CDH12: variants seen among roughly 807,000 people sequenced by gnomAD.
CDH12 encodes cadherin-12.
A neutral mutation model predicts 74.1 loss-of-function variants in CDH12; 41 were observed. The observed-to-expected ratio is 0.55, with a 90% confidence interval of 0.43 to 0.72. CDH12 has a LOEUF of 0.72. Among genes scored for constraint, CDH12 ranks in the 30% least tolerant of loss-of-function variants. The pLI, the probability that CDH12 is intolerant of heterozygous loss-of-function variation, is 0.00. For missense variants in CDH12, 945 were observed against 977.2 expected (o/e 0.97, Z 0.44); for synonymous variants, 399 against 355.0 (o/e 1.12, Z -1.39).
At chr5:22,250,880 T>C (rs773963117) in intron 3 of CDH12, among the ~76,000 whole-genome samples, 6 of 152,082 alleles carry the variant, frequency 3.9e-5, no homozygotes, top group African/African-American at 1.2e-4. Context: ...ACAGTGAATA[T>C]AGGAAAAAGT....
intron 4 of CDH12, among the ~76,000 whole-genome samples, chr5:22,194,259 T>A (rs959019499): frequency 4.6e-5 from 7 of 151,998 alleles, no homozygotes; most frequent in Admixed American, 4.6e-4. Context: ...AATGGTGTCT[T>A]ATGTAACCTA....
intron 1 of CDH12, among the ~76,000 whole-genome samples, chr5:22,583,329 A>G (rs1027423700): frequency 2.0e-5 from 3 of 152,208 alleles, no homozygotes; most frequent in Admixed American, 6.5e-5. Context: ...ATTAAGTTTT[A>G]AAATGCTGTT....
At chr5:21,964,150 TATAAGA>T (rs1301647331) in intron 6 of CDH12, among the ~76,000 whole-genome samples, 27 of 152,002 alleles carry the variant, frequency 1.8e-4, no homozygotes, top group Non-Finnish European at 2.6e-4. Context: ...TAGGAAAAAT[TATAAGA>T]ATAAGAATGA....
intron 7 of CDH12, among the ~76,000 whole-genome samples, chr5:21,851,023 A>C (rs1750437424): frequency 6.6e-6 from 1 of 151,376 alleles, no homozygotes; most frequent in African/African-American, 2.4e-5. Flanking sequence ...AATGGTAAAA[A>C]TTGTCAATTT....
intron 2 of CDH12, among the ~76,000 whole-genome samples, chr5:22,452,903 AAT>A (rs1554041783): frequency 1.1e-3 from 157 of 143,856 alleles, no homozygotes; most frequent in African/African-American, 3.1e-3. Context: ...AAAAAAAAAA[AAT>A]GAGTTAAAAG....
chr5:22,305,225 A>G (rs1038685933), intron 3 of CDH12, among the ~76,000 whole-genome samples: 2 of 152,100 alleles, frequency 1.3e-5, no homozygotes, highest in Non-Finnish European at 2.9e-5. Flanking sequence ...GCAGGAGATA[A>G]TCATCTAGTT....
At chr5:22,468,623 T>C (rs936103023) in intron 2 of CDH12, among the ~76,000 whole-genome samples, 2 of 152,166 alleles carry the variant, frequency 1.3e-5, no homozygotes, top group African/African-American at 4.8e-5. Context: ...TTTACTTACC[T>C]ATAGTGTTTT....
At chr5:21,907,422 C>T (rs1753688134) in intron 6 of CDH12, among the ~76,000 whole-genome samples, 1 of 152,108 alleles carries the variant, frequency 6.6e-6, no homozygotes, top group Admixed American at 6.5e-5. Context: ...AAAGCAAGCA[C>T]ATAAAATACA....
intron 11 of CDH12, among the ~76,000 whole-genome samples, chr5:21,775,063 G>T (rs559608347): frequency 1.3e-5 from 2 of 152,158 alleles, no homozygotes; most frequent in East Asian, 1.9e-4. Context: ...AATGTTCCAG[G>T]TGTCTCTGAT....
intron 2 of CDH12, among the ~76,000 whole-genome samples, chr5:22,473,199 C>G (rs180881165): frequency 1.1e-4 from 17 of 152,096 alleles, no homozygotes; most frequent in African/African-American, 4.1e-4. Flanking sequence ...CACATCTCTG[C>G]TAACATAAAA....
At chr5:22,259,027 G>GT (rs201491236) in intron 3 of CDH12, among the ~76,000 whole-genome samples, 6,789 of 152,138 alleles carry the variant, frequency 0.045, 204 homozygotes, top group Non-Finnish European at 0.071. Context: ...TAGAATGATA[G>GT]TTTTTTTCTA....
intron 4 of CDH12, among the ~76,000 whole-genome samples, chr5:22,192,763 T>C (rs1399665683): frequency 6.6e-6 from 1 of 152,220 alleles, no homozygotes; most frequent in Non-Finnish European, 1.5e-5. Flanking sequence ...CAGAGAGCCA[T>C]GGAGATTTCA....
chr5:22,153,169 C>A (rs1046492870), intron 4 of CDH12, among the ~76,000 whole-genome samples: 1 of 140,570 alleles, frequency 7.1e-6, no homozygotes, highest in African/African-American at 2.5e-5. Context: ...CTTTTCTTTT[C>A]GTTTTTTTCT....
At chr5:22,423,354 A>G (rs919674024) in intron 2 of CDH12, among the ~76,000 whole-genome samples, 10 of 152,150 alleles carry the variant, frequency 6.6e-5, no homozygotes, top group Non-Finnish European at 1.2e-4. Flanking sequence ...TGCAGAAACC[A>G]AGAGACTTGG....
At chr5:22,356,721 A>G (rs1294759527) in intron 3 of CDH12, among the ~76,000 whole-genome samples, 1 of 152,126 alleles carries the variant, frequency 6.6e-6, no homozygotes, top group African/African-American at 2.4e-5. Flanking sequence ...CTTTGATACC[A>G]GTATCTTCAA....
intron 1 of CDH12, among the ~76,000 whole-genome samples, chr5:22,819,978 C>T (rs1011575730): frequency 2.1e-5 from 3 of 145,406 alleles, no homozygotes; most frequent in Non-Finnish European, 4.5e-5. Context: ...TATACATATA[C>T]ATATATATAC....
chr5:22,791,555 G>GAACAA (rs1434125443), intron 1 of CDH12, among the ~76,000 whole-genome samples: 2 of 152,078 alleles, frequency 1.3e-5, no homozygotes, highest in African/African-American at 4.8e-5. Flanking sequence ...TCAATTCTTG[G>GAACAA]ACTCTTCATT....
chr5:22,682,649 C>A (rs1350405807), intron 1 of CDH12, among the ~76,000 whole-genome samples: 1 of 151,998 alleles, frequency 6.6e-6, no homozygotes, highest in Non-Finnish European at 1.5e-5. Flanking sequence ...GAATTATAAG[C>A]AGTCCTCTAA....
chr5:22,265,013 T>C (rs2150396419), intron 3 of CDH12, among the ~76,000 whole-genome samples: 1 of 152,296 alleles, frequency 6.6e-6, no homozygotes, highest in African/African-American at 2.4e-5. Flanking sequence ...TCACAATAAC[T>C]TTTCTCTAAA....
Sources: allele counts gnomAD v4.1 joint callset (sites outside exome capture counted in the v4.1 genomes callset), GRCh38; gene constraint gnomAD v4.1.1; transcripts MANE v1.5; gene names NCBI Gene and HGNC (gene_info 2026-07-23, HGNC 2026-07-21).